PTK2: variants seen among roughly 807,000 people sequenced by gnomAD.
PTK2 encodes focal adhesion kinase 1.
PTK2 carries 45 observed loss-of-function variants against 150.1 expected under a neutral mutation model. The observed-to-expected ratio is 0.30, with a 90% confidence interval of 0.24 to 0.38. PTK2 has a LOEUF of 0.38. PTK2 is among the 10% of genes least tolerant of loss of function. The pLI is 1.00. For synonymous variants in PTK2, 432 were observed against 449.2 expected, an observed-to-expected ratio of 0.96 and a Z score of 0.48; for missense variants, 919 against 1,307.3, an observed-to-expected ratio of 0.70 and a Z score of 4.58.
chr8:140,835,136 T>C (rs1297451062), intron 7 of PTK2, among the ~76,000 whole-genome samples: 1 of 152,236 alleles, frequency 6.6e-6, no homozygotes, highest in African/African-American at 2.4e-5. Flanking sequence ...AGTCCCAGCC[T>C]GTGGCCTTAT....
At chr8:140,666,633 G>T (rs757860488) in intron 30 of PTK2, among the ~76,000 whole-genome samples, 2 of 152,102 alleles carry the variant, frequency 1.3e-5, no homozygotes, top group African/African-American at 2.4e-5. Flanking sequence ...ACACGTTTTG[G>T]TGAGAATATG....
At chr8:140,668,529 G>T in intron 29 of PTK2, 105 bp from the exon 34 acceptor site, 1 of 1,296,138 alleles carries the variant, frequency 7.7e-7, no homozygotes, top group Non-Finnish European at 1.1e-6. Flanking sequence ...GCAGATTGCA[G>T]AAGGTCATTG....
At chr8:140,896,225 C>T (rs924811442) in intron 2 of PTK2, among the ~76,000 whole-genome samples, 1 of 152,106 alleles carries the variant, frequency 6.6e-6, no homozygotes, top group African/African-American at 2.4e-5. Flanking sequence ...TTATTTCTTT[C>T]AACAAATTAA....
chr8:140,698,547 G>T (rs1486580322), intron 26 of PTK2, among the ~76,000 whole-genome samples: 3 of 152,058 alleles, frequency 2.0e-5, no homozygotes, highest in African/African-American at 7.2e-5. Flanking sequence ...ACCACCTCCT[G>T]GGTTCAAGCA....
At chr8:140,739,371 G>A (rs563044481) in intron 20 of PTK2, among the ~76,000 whole-genome samples, 8 of 151,924 alleles carry the variant, frequency 5.3e-5, no homozygotes, top group South Asian at 2.1e-4. Flanking sequence ...AGCAAACCTC[G>A]GTTTACCAGG....
In PTK2 at chr8:140,676,765, TAAAAAAAAAA is replaced by T. The variant is rs869199304; in HGVS notation, c.2563-1276_2563-1267del. ...ACATGGTGAAACCCCGTCTCTACTT[TAAAAAAAAAA>T]AAAAAAAAAAAAAATAGCCAGGTGT... On this transcript the variant is annotated intron_variant, in intron 27 of 31. Transcript: ENST00000522684. Among the ~76,000 whole-genome samples the T allele has an allele frequency of 5.4e-5, 3 of 55,580 alleles. 1 individual carries two copies. Among genetic ancestry groups the T allele is most frequent in the African/African-American group, 2.6e-4 (3 of 11,736 alleles). The allele number at this position is 55,580 out of a possible 152,430, so 36.5% of individuals were successfully genotyped here.
At chr8:140,890,387 TTAAC>T (rs1175558777) in intron 3 of PTK2, 152 bp downstream of exon 3, 7 of 614,082 alleles carry the variant, frequency 1.1e-5, no homozygotes, top group Non-Finnish European at 1.9e-5. Flanking sequence ...CAGTCACATA[TTAAC>T]TAATAAATCT....
At chr8:140,949,453 G>A (rs560695648) in intron 1 of PTK2, among the ~76,000 whole-genome samples, 1 of 152,340 alleles carries the variant, frequency 6.6e-6, no homozygotes, top group South Asian at 2.1e-4. Context: ...CCGGAGCTGG[G>A]CATCCCTGCG....
At chr8:140,912,069 C>A (rs2100163389) in intron 2 of PTK2, among the ~76,000 whole-genome samples, 2 of 151,926 alleles carry the variant, frequency 1.3e-5, no homozygotes, top group African/African-American at 4.8e-5. Context: ...CTTGGCTCTA[C>A]AAAGAAATAA....
chr8:140,711,939 C>G (rs971455253), intron 23 of PTK2, among the ~76,000 whole-genome samples: 2 of 152,120 alleles, frequency 1.3e-5, no homozygotes, highest in African/African-American at 4.8e-5. Flanking sequence ...TCAGGATTAG[C>G]AAATGGGACA....
intron 4 of PTK2, among the ~76,000 whole-genome samples, chr8:140,872,501 C>T (rs1465851086): frequency 6.6e-6 from 1 of 152,244 alleles, no homozygotes; most frequent in Non-Finnish European, 1.5e-5. Context: ...TGGGCTCTCC[C>T]AGCATCCTAG....
intron 1 of PTK2, among the ~76,000 whole-genome samples, chr8:140,949,489 C>T (rs79733187): frequency 0.018 from 2,810 of 152,356 alleles, 44 homozygotes; most frequent in Middle Eastern, 0.041. Context: ...GAAGCCCCCC[C>T]GCCCTCACAG....
intron 29 of PTK2, among the ~76,000 whole-genome samples, chr8:140,671,826 G>T (rs2095516965): frequency 6.6e-6 from 1 of 150,890 alleles, no homozygotes; most frequent in African/African-American, 2.4e-5. Context: ...CAGCTACTTG[G>T]GATGATGAGG....
At chr8:140,711,586 T>A (rs1466684119) in intron 23 of PTK2, among the ~76,000 whole-genome samples, 1 of 152,254 alleles carries the variant, frequency 6.6e-6, no homozygotes, top group African/African-American at 2.4e-5. Context: ...CTGTGTATAC[T>A]GATGGGCAAT....
intron 23 of PTK2, among the ~76,000 whole-genome samples, chr8:140,711,308 T>C (rs1448440307): frequency 6.6e-6 from 1 of 152,174 alleles, no homozygotes; most frequent in Non-Finnish European, 1.5e-5. Context: ...GGTTTCGCCA[T>C]GTTGCCCAGG....
At chr8:140,682,383 AAAC>A (rs541563784) in intron 27 of PTK2, among the ~76,000 whole-genome samples, 47 of 152,290 alleles carry the variant, frequency 3.1e-4, no homozygotes, top group Admixed American at 2.1e-3. Flanking sequence ...ACAAAAACGA[AAAC>A]AACAACAACA....
intron 5 of PTK2, among the ~76,000 whole-genome samples, chr8:140,854,349 A>T (rs779912943): frequency 2.0e-5 from 3 of 152,194 alleles, no homozygotes; most frequent in Non-Finnish European, 4.4e-5. Flanking sequence ...GATTAATATG[A>T]CTTCTTGACT....
chr8:140,963,875 G>A (rs1346889096), intron 1 of PTK2, among the ~76,000 whole-genome samples: 3 of 152,094 alleles, frequency 2.0e-5, no homozygotes, highest in Non-Finnish European at 2.9e-5. Context: ...GGGTTAGGGG[G>A]TTAAGAGGGA....
chr8:140,759,924 C>T (rs1309023935), intron 16 of PTK2, among the ~76,000 whole-genome samples: 3 of 150,966 alleles, frequency 2.0e-5, no homozygotes, highest in Non-Finnish European at 4.4e-5. Flanking sequence ...CAAAAGAGAA[C>T]TAAAAACATA....
Sources: gnomAD v4.1 joint callset for allele counts (sites outside exome capture counted in the v4.1 genomes callset) on GRCh38, gnomAD v4.1.1 for gene constraint, MANE v1.5 for transcripts, NCBI Gene and HGNC (gene_info 2026-07-23, HGNC 2026-07-21) for gene names.